WDR27: variants seen among roughly 807,000 people sequenced by gnomAD.
WDR27 encodes WD repeat domain 27.
Under a neutral mutation model 114.4 loss-of-function variants are expected in WDR27, and 100 were observed. That is an observed-to-expected ratio of 0.87 (90% CI 0.74 to 1.03). WDR27 has a LOEUF of 1.03. Ranked by LOEUF, WDR27 falls within the 50% of genes least tolerant of loss-of-function variation. WDR27 has a pLI of 0.00. For missense variants in WDR27, 1,129 were observed against 1,092.9 expected (o/e 1.03, Z -0.47); for synonymous variants, 449 against 423.1 (o/e 1.06, Z -0.75).
the WDR27 span, among the ~76,000 whole-genome samples, chr6:169,443,152 T>C: frequency 2.0e-5 from 3 of 152,186 alleles, no homozygotes; most frequent in Admixed American, 6.5e-5. Context: ...TTCATGCAGA[T>C]TGAAGCCAGA....
intron 2 of WDR27, among the ~76,000 whole-genome samples, chr6:169,681,285 C>A (rs778328169): frequency 1.3e-5 from 2 of 152,226 alleles, no homozygotes; most frequent in Non-Finnish European, 2.9e-5. Flanking sequence ...AAGTATCGGA[C>A]ATCACCAAGC....
At chr6:169,469,982 T>A (rs1443548391) in intron 25 of WDR27, among the ~76,000 whole-genome samples, 1 of 152,258 alleles carries the variant, frequency 6.6e-6, no homozygotes, top group Non-Finnish European at 1.5e-5. Flanking sequence ...TTCATTTTAC[T>A]GTAAGCAATC....
At chr6:169,600,305 C>T (rs910119202) in intron 23 of WDR27, among the ~76,000 whole-genome samples, 3 of 152,018 alleles carry the variant, frequency 2.0e-5, no homozygotes, top group Non-Finnish European at 4.4e-5. Flanking sequence ...ACACCAAAAC[C>T]CCATCTATAC....
intron 25 of WDR27, among the ~76,000 whole-genome samples, chr6:169,474,459 T>C (rs1487450433): frequency 1.3e-5 from 2 of 152,204 alleles, no homozygotes; most frequent in Non-Finnish European, 2.9e-5. Context: ...AAAAAGACAT[T>C]AGTTATAATA....
chr6:169,493,956 G>A (rs899408207), intron 25 of WDR27, among the ~76,000 whole-genome samples: 1 of 152,182 alleles, frequency 6.6e-6, no homozygotes, highest in Non-Finnish European at 1.5e-5. Context: ...CCAGCAAGAT[G>A]AGGGCCAAAT....
intron 25 of WDR27, among the ~76,000 whole-genome samples, chr6:169,483,392 T>C (rs1788456026): frequency 6.6e-6 from 1 of 152,212 alleles, no homozygotes; most frequent in Non-Finnish European, 1.5e-5. Context: ...TGAATACCTC[T>C]ATGCATACGA....
chr6:169,485,847 T>C (rs2115410011), intron 25 of WDR27, among the ~76,000 whole-genome samples: 1 of 152,322 alleles, frequency 6.6e-6, no homozygotes, highest in South Asian at 2.1e-4. Context: ...AATGAGATCA[T>C]GTCCTTTGCA....
intron 2 of WDR27, among the ~76,000 whole-genome samples, chr6:169,676,657 C>A (rs1562906690): frequency 6.6e-6 from 1 of 152,170 alleles, no homozygotes; most frequent in Non-Finnish European, 1.5e-5. Context: ...GGACCTTGGT[C>A]TCCACGATCC....
chr6:169,477,012 A>G (rs1018366757), intron 25 of WDR27, among the ~76,000 whole-genome samples: 1 of 152,242 alleles, frequency 6.6e-6, no homozygotes, highest in Non-Finnish European at 1.5e-5. Flanking sequence ...CAGATCAAGA[A>G]TCTCCTTTTT....
chr6:169,599,584 T>C (rs9477995), intron 23 of WDR27, among the ~76,000 whole-genome samples: 23,110 of 152,184 alleles, frequency 0.15, 1,916 homozygotes, highest in African/African-American at 0.2. Flanking sequence ...GTAGTTTGTA[T>C]TTCTGTGGGA....
At chr6:169,506,721 T>C (rs974910542) in intron 25 of WDR27, among the ~76,000 whole-genome samples, 13 of 152,362 alleles carry the variant, frequency 8.5e-5, no homozygotes, top group African/African-American at 2.2e-4. Context: ...GAAAAATAGA[T>C]TGTACTGCAA....
intron 25 of WDR27, among the ~76,000 whole-genome samples, chr6:169,463,077 C>T (rs145612153): frequency 4.9e-4 from 75 of 152,266 alleles, no homozygotes; most frequent in African/African-American, 1.5e-3. Context: ...TATGTCTCAT[C>T]GTTCTGGAGA....
chr6:169,453,841 A>G (rs1317407250), downstream of WDR27, among the ~76,000 whole-genome samples: 1 of 152,210 alleles, frequency 6.6e-6, no homozygotes, highest in African/African-American at 2.4e-5. Context: ...TTCACACCCC[A>G]AGGGACTTAT....
intron 23 of WDR27, among the ~76,000 whole-genome samples, chr6:169,598,461 T>C (rs996641320): frequency 6.6e-6 from 1 of 152,142 alleles, no homozygotes; most frequent in Non-Finnish European, 1.5e-5. Context: ...CCCACTCCCA[T>C]GGTAATGGCA....
rs1449881075 is a variant in WDR27 at position 169,659,690 on chromosome 6, G to C, written c.1130-172C>G. Among the ~76,000 whole-genome samples, 1 of 151,794 alleles carries C rather than the reference G, an allele frequency of 6.6e-6. No individual in the cohort carries two copies. Among genetic ancestry groups the C allele is most frequent in the Non-Finnish European group, 1.5e-5 (1 of 67,948 alleles). ...ACATCCTCACACATACAAGGCCCCA[G>C]GCCACACACACACCAGCGCACACAC... On this transcript the variant is annotated intron_variant, in intron 10 of 25. Transcript: ENST00000448612. This position sits in a 1 kb window ranked among gnomAD's most constrained non-coding sequence, Gnocchi z 4.3.
intron 6 of WDR27, 44 bp downstream of exon 6, chr6:169,667,092 T>A: frequency 6.8e-7 from 1 of 1,469,558 alleles, no homozygotes; most frequent in Non-Finnish European, 9.0e-7. Flanking sequence ...AAAAGTGGGT[T>A]ACACACAACC....
chr6:169,674,499 T>G (rs556704393), intron 2 of WDR27, among the ~76,000 whole-genome samples: 12 of 152,104 alleles, frequency 7.9e-5, no homozygotes, highest in Middle Eastern at 3.4e-3. Flanking sequence ...GATTGGTAAA[T>G]TTAAAGACAA....
At chr6:169,600,627 A>C (rs1417188221) in intron 23 of WDR27, among the ~76,000 whole-genome samples, 1 of 152,240 alleles carries the variant, frequency 6.6e-6, no homozygotes, top group Non-Finnish European at 1.5e-5. Context: ...AAAGGACCTA[A>C]TGGAGCTGAA....
chr6:169,647,863 A>G lies in WDR27; in HGVS notation c.1567T>C (p.Tyr523His). The change falls in exon 16 of 26, where the codon TAC becomes CAC. Residue 523 changes from tyrosine (Y) to histidine (H), a missense_variant. Tyr to His is a moderately conservative substitution (Grantham distance 83). Coordinates refer to ENST00000448612, the MANE Select transcript of WDR27 (RefSeq NM_182552.5). ...RSRSSCAREAYPVECAVPTKP... is the reference protein window; with the variant it reads ...RSRSSCAREAHPVECAVPTKP... Reference sequence around the variant, plus strand: ...GTGGGCACAGCGCACTCCACGGGGTATGCCTCCCTGAGGGAAGGCCACAGG... The same window carrying G: ...GTGGGCACAGCGCACTCCACGGGGTGTGCCTCCCTGAGGGAAGGCCACAGG... 1 of 1,558,994 alleles carries G rather than the reference A, an allele frequency of 6.4e-7. No homozygotes were observed. Among genetic ancestry groups the G allele is most frequent in the Non-Finnish European group, 8.7e-7 (1 of 1,154,556 alleles).
Sources: gnomAD v4.1 joint callset for allele counts (sites outside exome capture counted in the v4.1 genomes callset) on GRCh38, gnomAD v4.1.1 for gene constraint, Gnocchi (gnomAD v3.1) non-coding constraint, MANE v1.5 for transcripts, NCBI Gene and HGNC (gene_info 2026-07-23, HGNC 2026-07-21) for gene names.